Variants in MRAP2 observed in about 807,000 individuals in gnomAD.
The protein encoded by MRAP2 is melanocortin 2 receptor accessory protein 2.
MRAP2 carries 20 observed loss-of-function variants against 17.4 expected under a neutral mutation model. The observed-to-expected ratio is 1.15, with a 90% CI of 0.81 to 1.67. The LOEUF (loss-of-function observed/expected upper bound fraction) is 1.67, where lower values mean the gene tolerates loss of function less well. Ranked by LOEUF, MRAP2 falls within the 40% of genes most tolerant of loss-of-function variation. MRAP2 has a pLI of 0.00. For synonymous variants in MRAP2, 96 were observed against 88.4 expected, an observed-to-expected ratio of 1.09 and a Z score of -0.48; for missense variants, 238 against 240.0, an observed-to-expected ratio of 0.99 and a Z score of 0.05.
chr6:84,053,306 G>A (rs1285455421), intron 1 of MRAP2, among the ~76,000 whole-genome samples: 1 of 152,082 alleles, frequency 6.6e-6, no homozygotes. Flanking sequence ...AAAATGATAT[G>A]ATCAAACCAG....
At chr6:84,075,687 C>T (rs569833261) in intron 3 of MRAP2, among the ~76,000 whole-genome samples, 1 of 152,268 alleles carries the variant, frequency 6.6e-6, no homozygotes, top group African/African-American at 2.4e-5. Flanking sequence ...CCAGACATTA[C>T]GTGCCTCACA....
chr6:84,035,445 C>A (rs1264495899), intron 1 of MRAP2: 1 of 983,102 alleles, frequency 1.0e-6, no homozygotes, highest in Non-Finnish European at 1.2e-6. Flanking sequence ...TCAGGGTATG[C>A]TGTATCCATT....
the MRAP2 span, among the ~76,000 whole-genome samples, chr6:84,134,577 C>T: frequency 0.042 from 6,465 of 152,228 alleles, 197 homozygotes; most frequent in Admixed American, 0.086. Context: ...CAGTCCCTCA[C>T]GGCTTCCCTT....
chr6:84,066,829 A>T (rs1044394585), intron 3 of MRAP2, among the ~76,000 whole-genome samples: 12 of 152,288 alleles, frequency 7.9e-5, no homozygotes, highest in African/African-American at 2.9e-4. Context: ...ACTATCTCAG[A>T]TTGGCAATTT....
the MRAP2 span, among the ~76,000 whole-genome samples, chr6:84,096,462 C>G: frequency 2.6e-5 from 4 of 152,222 alleles, no homozygotes; most frequent in Non-Finnish European, 5.9e-5. Context: ...ACAGTACCCA[C>G]AGACCCTATG....
the MRAP2 span, among the ~76,000 whole-genome samples, chr6:84,134,278 C>T: frequency 1.3e-5 from 2 of 152,166 alleles, no homozygotes; most frequent in Non-Finnish European, 2.9e-5. Context: ...GCCAGTGGAT[C>T]TTAGCTTGCT....
At chr6:84,055,631 C>A (rs540549173) in intron 2 of MRAP2, among the ~76,000 whole-genome samples, 186 bp downstream of exon 2, 1 of 152,104 alleles carries the variant, frequency 6.6e-6, no homozygotes, top group African/African-American at 2.4e-5. Flanking sequence ...TACAGGAGGG[C>A]CTTGGTGATT....
the MRAP2 span, among the ~76,000 whole-genome samples, chr6:84,126,003 G>C: frequency 6.6e-6 from 1 of 151,992 alleles, no homozygotes; most frequent in Non-Finnish European, 1.5e-5. Flanking sequence ...TATTACTAGT[G>C]CTAGCTATAT....
At chr6:84,129,150 A>G in the MRAP2 span, among the ~76,000 whole-genome samples, 1 of 152,208 alleles carries the variant, frequency 6.6e-6, no homozygotes, top group African/African-American at 2.4e-5. Context: ...CACAATAAAC[A>G]TATGTGTGCA....
intron 3 of MRAP2, among the ~76,000 whole-genome samples, chr6:84,069,911 G>T (rs1367048946): frequency 6.6e-6 from 1 of 151,820 alleles, no homozygotes; most frequent in Non-Finnish European, 1.5e-5. Context: ...ATGATCTTTT[G>T]TATTTCAGTG....
At chr6:84,095,762 C>T (rs558554221), downstream of MRAP2, among the ~76,000 whole-genome samples, 7 of 152,282 alleles carry the variant, frequency 4.6e-5, no homozygotes, top group Admixed American at 3.9e-4. Flanking sequence ...TTGAGAGAGG[C>T]GACTTCAGGC....
At chr6:84,114,452 G>A in the MRAP2 span, among the ~76,000 whole-genome samples, 1 of 151,958 alleles carries the variant, frequency 6.6e-6, no homozygotes, top group Non-Finnish European at 1.5e-5. Context: ...TCTCTAAACT[G>A]GTCATTCTAG....
the MRAP2 span, among the ~76,000 whole-genome samples, chr6:84,136,452 A>G: frequency 6.6e-6 from 1 of 152,212 alleles, no homozygotes; most frequent in East Asian, 1.9e-4. Context: ...CACTCCTGTG[A>G]TAACTAACCC....
chr6:84,103,729 T>C, the MRAP2 span, among the ~76,000 whole-genome samples: 57 of 152,142 alleles, frequency 3.7e-4, no homozygotes, highest in Admixed American at 3.9e-4. Context: ...ATTTCTATTA[T>C]CTGTCCTCTG....
At chr6:84,063,635 T>C (rs1469696111) in intron 3 of MRAP2, among the ~76,000 whole-genome samples, 1 of 152,230 alleles carries the variant, frequency 6.6e-6, no homozygotes, top group Non-Finnish European at 1.5e-5. Context: ...CAGTAATGGC[T>C]TGTAAAAAAT....
chr6:84,143,762 T>A, the MRAP2 span, among the ~76,000 whole-genome samples: 1 of 152,028 alleles, frequency 6.6e-6, no homozygotes, highest in South Asian at 2.1e-4. Context: ...AAACTGGTTT[T>A]CTCTCTTAAA....
chr6:84,059,433 A>G (rs936218371), intron 2 of MRAP2, among the ~76,000 whole-genome samples: 7 of 152,240 alleles, frequency 4.6e-5, no homozygotes, highest in Non-Finnish European at 8.8e-5. Flanking sequence ...GGAAAGTGTC[A>G]TGAACCTCTC....
At chr6:84,087,292 A>G (rs890874706) in intron 3 of MRAP2, among the ~76,000 whole-genome samples, 14 of 152,238 alleles carry the variant, frequency 9.2e-5, no homozygotes, top group African/African-American at 3.4e-4. Flanking sequence ...GTAAGTAGAT[A>G]AGAGACAATG....
At chr6:84,071,666 C>A (rs1335431720) in intron 3 of MRAP2, among the ~76,000 whole-genome samples, 1 of 152,112 alleles carries the variant, frequency 6.6e-6, no homozygotes, top group African/African-American at 2.4e-5. Context: ...ATTATTTCCC[C>A]AAATGTGTTT....
Sources: allele counts gnomAD v4.1 joint callset (sites outside exome capture counted in the v4.1 genomes callset), GRCh38; gene constraint gnomAD v4.1.1; transcripts MANE v1.5; gene names NCBI Gene and HGNC (gene_info 2026-07-23, HGNC 2026-07-21).